The following COL5A3 variants were observed in gnomAD, a reference collection of about 807,000 sequenced individuals.
The protein encoded by COL5A3 is collagen alpha-3(V) chain.
A neutral mutation model predicts 250.0 loss-of-function variants in COL5A3; 172 were observed. The observed-to-expected ratio is 0.69, with a 90% CI of 0.61 to 0.78. The LOEUF is 0.78. Among genes scored for constraint, COL5A3 ranks in the 30% least tolerant of loss-of-function variants. The pLI is 0.00. For missense variants in COL5A3, 2,340 were observed against 2,334.4 expected, an observed-to-expected ratio of 1.00 and a Z score of -0.05; for synonymous variants, 937 against 900.4, an observed-to-expected ratio of 1.04 and a Z score of -0.73.
At position 9,993,802 on chromosome 19, in the gene COL5A3, C is replaced by T. The variant is rs780983994; in HGVS notation, c.1592G>A (p.Arg531His). The T allele has an allele frequency of 1.2e-5, 19 of 1,614,100 alleles. No individual in the cohort carries two copies. The highest frequency in any genetic ancestry group is 6.7e-5 in the East Asian group (3 of 44,874). The change falls in exon 17 of 67, where the codon CGC becomes CAC. Residue 531 changes from arginine (R) to histidine (H), a missense_variant. Arg to His is a conservative substitution (Grantham distance 29, BLOSUM62 0). Around this residue, in one of 3 missense-constraint regions of COL5A3, gnomAD observed 1,152 missense variants for 1,146.3 expected, o/e 1.00. Transcript: ENST00000264828. ...GCCCCGAGCTCCATCTGCTCCAGGG[C>T]GGCCCTATGGAGAAAGTAAGCCCAA... Reference protein sequence around the residue: ...GPPGRVGKMGRPGADGARGLP... With the variant: ...GPPGRVGKMGHPGADGARGLP...
At chr19:9,978,179 G>A (rs555056282) in intron 41 of COL5A3, among the ~76,000 whole-genome samples, 1 of 151,992 alleles carries the variant, frequency 6.6e-6, no homozygotes, top group South Asian at 2.1e-4. Flanking sequence ...ATCTCAATGA[G>A]GTTTGTGATC....
intron 8 of COL5A3, 91 bp from the exon 9 acceptor site, chr19:9,998,240 A>C (rs980203171): frequency 8.6e-7 from 1 of 1,160,392 alleles, no homozygotes; most frequent in Non-Finnish European, 1.2e-6. Flanking sequence ...TTGCACACAC[A>C]CACACACACA....
In COL5A3 at chr19:9,973,616, C is replaced by G. The variant is rs2287813; in HGVS notation, c.3620G>C (p.Arg1207Pro). 0.44 allele frequency: 711,203 copies of G among 1,611,328 alleles called. 160,317 individuals carry two copies. The highest frequency in any genetic ancestry group is 0.69 in the African/African-American group (51,941 of 74,834). ...QPGAVGEKGE[R>P]GDAGDPGPPG... ...AGGCCCTGGGTCTCCAGCGTCCCCT[C>G]GCTCACCCTGCAGGAGGCAAAGTGA... Residue 1207 changes from arginine (R) to proline (P), a missense_variant, in exon 50 of 67, where the codon CGA (arginine) becomes CCA (proline). By Grantham distance (103) the Arg-to-Pro change is moderately radical. Around this residue, in one of 3 missense-constraint regions of COL5A3, gnomAD observed 1,179 missense variants for 1,162.6 expected, o/e 1.01. Coordinates refer to ENST00000264828, the MANE Select transcript of COL5A3 (RefSeq NM_015719.4).
At chr19:9,987,285 G>A (rs961095117) in intron 27 of COL5A3, among the ~76,000 whole-genome samples, 2 of 152,154 alleles carry the variant, frequency 1.3e-5, no homozygotes, top group African/African-American at 4.8e-5. Flanking sequence ...CAGCCCATGT[G>A]GTTAGTCTCC....
intron 39 of COL5A3, 73 bp downstream of exon 39, chr19:9,979,059 C>A: frequency 2.0e-6 from 3 of 1,467,006 alleles, no homozygotes; most frequent in Non-Finnish European, 2.8e-6. Context: ...GGCCCCCTCC[C>A]CCATGAGACT....
At chr19:9,970,203 T>G (rs1329368891) in intron 54 of COL5A3, among the ~76,000 whole-genome samples, 2 of 6,902 alleles carry the variant, frequency 2.9e-4, no homozygotes, top group Admixed American at 2.1e-3. Context: ...TGTGGGTGAG[T>G]GGGGGCTGTG....
Position 9,973,782 on chromosome 19 carries a change from C to T in COL5A3, c.3586G>A (p.Gly1196Ser). ...EGTPGLPGGV[G>S]QPGAVGEKGE... ...TTCTCACCCACGGCGCCTGGCTGAC[C>T]AACTCCTCCAGGCAGCCCTGGAGTG... The change falls in exon 49 of 67, where the codon GGT becomes AGT. Residue 1196 changes from glycine to serine, a missense_variant. Gly to Ser is a moderately conservative substitution (Grantham distance 56). This residue lies in a region of COL5A3 where 1,179 missense variants were observed against 1,162.6 expected (regional missense o/e 1.01). Transcript: ENST00000264828. 6.2e-7 allele frequency: 1 copy of T among 1,614,032 alleles called. No individual in the cohort carries two copies. Among genetic ancestry groups the T allele is most frequent in the Non-Finnish European group, 8.5e-7 (1 of 1,179,970 alleles).
At chr19:9,990,326 G>A (rs1486883720) in intron 24 of COL5A3, among the ~76,000 whole-genome samples, 6 of 148,296 alleles carry the variant, frequency 4.0e-5, no homozygotes, top group African/African-American at 1.3e-4. Context: ...CCCGGGAGGT[G>A]GAGGTTGCAG....
chr19:9,997,506 G>T (rs746560081), intron 10 of COL5A3, 73 bp from the exon 11 acceptor site: 3 of 968,600 alleles, frequency 3.1e-6, no homozygotes, highest in South Asian at 3.1e-5. Flanking sequence ...ACCTACCACT[G>T]ACTCTAACCT....
chr19:10,000,680 G>A (rs1568430610), intron 8 of COL5A3, among the ~76,000 whole-genome samples: 1 of 151,904 alleles, frequency 6.6e-6, no homozygotes, highest in Non-Finnish European at 1.5e-5. Context: ...TGGAGTAAAA[G>A]CCAAGCGCCT....
Position 9,986,764 on chromosome 19 carries a change from A to AAAT in COL5A3, c.2146-9_2146-7dup, listed in dbSNP as rs1402562042. 10 of 1,576,202 alleles carry AAAT rather than the reference A, an allele frequency of 6.3e-6. No individual in the cohort carries two copies. The African/African-American group carries it at 7.5e-5, about 12-fold the overall frequency. ...CCCCGGTTGCCTGAAGTGCCCTGGA[A>AAAT]AATAAAAAAAAAAAGCTCTCAAGCC... On this transcript the variant is annotated splice_polypyrimidine_tract_variant and splice_region_variant and intron_variant, in intron 27 of 66. Coordinates refer to ENST00000264828, the MANE Select transcript of COL5A3 (RefSeq NM_015719.4).
At chr19:9,964,872 A>T (rs1210583120) in intron 64 of COL5A3, among the ~76,000 whole-genome samples, 1 of 75,554 alleles carries the variant, frequency 1.3e-5, no homozygotes, top group Admixed American at 1.4e-4. Flanking sequence ...AAAAAAAAAA[A>T]AAAAAAAAAA....
chr19:10,005,671 G>C lies in COL5A3; in HGVS notation c.481C>G (p.Leu161Val), dbSNP rs764529392. The C allele has an allele frequency of 1.2e-6, 2 of 1,613,790 alleles. No individual in the cohort carries two copies. Among genetic ancestry groups the C allele is most frequent in the Non-Finnish European group, 8.5e-7 (1 of 1,179,778 alleles). Residue 161 changes from leucine to valine, a missense_variant, in exon 4 of 67, where the codon CTG becomes GTG. Transcript: ENST00000264828. ...GGCTGAGCTTCACAGTCAGCTACCA[G>C]GGTCACCATCTCACCATCTATGCTG... ...AVSIDGEMVT[L>V]VADCEAQPPV...
rs200804150 is a variant in COL5A3 at position 9,995,577 on chromosome 19, C to T, written c.1574G>A (p.Arg525Gln). ...GCTGTCACTCACCATCTTGCCCACT[C>T]GGCCAGGGGGTCCATGAGGTCCCTG... ...GLQGPHGPPG[R>Q]VGKMGRPGAD... is the part of the protein sequence containing the mutation. The change falls in exon 16 of 67, where the codon CGA (arginine) becomes CAA (glutamine). Residue 525 changes from arginine to glutamine, a missense_variant. This residue lies in a region of COL5A3 where 1,152 missense variants were observed against 1,146.3 expected (regional missense o/e 1.00). Coordinates refer to ENST00000264828, the MANE Select transcript of COL5A3 (RefSeq NM_015719.4). The T allele has an allele frequency of 2.8e-5, 45 of 1,607,642 alleles. No homozygotes were observed. Among genetic ancestry groups the T allele is most frequent in the South Asian group, 2.0e-4 (18 of 90,160 alleles).
intron 64 of COL5A3, 132 bp from the exon 65 acceptor site, chr19:9,963,019 G>A: frequency 1.5e-6 from 1 of 676,398 alleles, no homozygotes; most frequent in Admixed American, 2.5e-5. Flanking sequence ...GGATGGACGA[G>A]CTCTGCCAGT....
chr19:9,998,843 C>T (rs917732728), intron 8 of COL5A3, among the ~76,000 whole-genome samples: 1 of 151,754 alleles, frequency 6.6e-6, no homozygotes, highest in Non-Finnish European at 1.5e-5. Context: ...CGCCAACACG[C>T]CTGGCTAATT....
chr19:9,976,464 T>A, intron 45 of COL5A3, 94 bp downstream of exon 45: 1 of 942,038 alleles, frequency 1.1e-6, no homozygotes. Context: ...GGGTTTGAGG[T>A]TTGGATTAAG....
rs905801175 is a variant in COL5A3, at chr19:9,968,215, C to A, written c.4315-136G>T. On this transcript the variant is annotated intron_variant, in intron 59 of 66. Transcript: ENST00000264828. This position sits in a 1 kb window ranked among gnomAD's most constrained non-coding sequence, Gnocchi z 4.1. Reference sequence around the variant, plus strand: ...CCTCCAGTTCCCCCACAGAGAGACCCCAAACCCCAGACGCAGCCTCCAACT... The same window carrying A: ...CCTCCAGTTCCCCCACAGAGAGACCACAAACCCCAGACGCAGCCTCCAACT... 1.5e-5 allele frequency: 16 copies of A among 1,034,386 alleles called. No individual in the cohort carries two copies. The highest frequency in any genetic ancestry group is 8.9e-5 in the South Asian group (6 of 67,324). The allele number at this position is 1,034,386 out of a possible 1,614,324, so 64.1% of individuals were successfully genotyped here.
At chr19:9,963,335 A>G (rs2086696451) in intron 64 of COL5A3, among the ~76,000 whole-genome samples, 1 of 151,916 alleles carries the variant, frequency 6.6e-6, no homozygotes, top group Admixed American at 6.6e-5. Flanking sequence ...CAATCCTCCC[A>G]CTGCAGCCTC....
Sources: gnomAD v4.1 joint callset for allele counts (sites outside exome capture counted in the v4.1 genomes callset) on GRCh38, gnomAD v4.1.1 for gene constraint, gnomAD v4.1.1 regional missense constraint, Gnocchi (gnomAD v3.1) non-coding constraint, MANE v1.5 for transcripts, NCBI Gene and HGNC (gene_info 2026-07-23, HGNC 2026-07-21) for gene names.